The following ADAMTSL1 variants were observed in gnomAD, a reference collection of about 807,000 sequenced individuals.
ADAMTSL1 encodes the protein ADAMTS like 1, also known as ADAMTS-like protein 1.
A neutral mutation model predicts 201.8 loss-of-function variants in ADAMTSL1; 126 were observed. The ratio of observed to expected loss-of-function variants is 0.62; its 90% CI spans 0.54 to 0.72. ADAMTSL1 has a LOEUF of 0.72. ADAMTSL1 is among the 30% of genes least tolerant of loss of function. ADAMTSL1 has a pLI of 0.00. For synonymous variants in ADAMTSL1, 1,121 were observed against 903.4 expected, an observed-to-expected ratio of 1.24 and a Z score of -4.32; for missense variants, 2,679 against 2,277.8, an observed-to-expected ratio of 1.18 and a Z score of -3.59.
chr9:18,280,190 C>G (rs1008940915), intron 2 of ADAMTSL1, among the ~76,000 whole-genome samples: 2 of 151,624 alleles, frequency 1.3e-5, no homozygotes, highest in African/African-American at 4.9e-5. Context: ...GGAGCCTGGT[C>G]TCCACTGGTG....
chr9:18,043,374 T>G (rs572456748), intron 1 of ADAMTSL1, among the ~76,000 whole-genome samples: 1 of 152,254 alleles, frequency 6.6e-6, no homozygotes, highest in South Asian at 2.1e-4. Flanking sequence ...TTTGGGGGGA[T>G]GTGTATACAT....
chr9:18,319,701 G>T (rs899081737), intron 2 of ADAMTSL1, among the ~76,000 whole-genome samples: 5 of 152,180 alleles, frequency 3.3e-5, no homozygotes, highest in African/African-American at 1.2e-4. Flanking sequence ...TCACATGGAA[G>T]AACAACTATT....
rs1449375653 is a variant in ADAMTSL1, at chr9:18,886,466, G to A, written c.4250-1365G>A. 2.6e-5 allele frequency among the ~76,000 whole-genome samples: 4 copies of A among 152,088 alleles called. No individual in the cohort carries two copies. In the East Asian group the frequency reaches 7.7e-4, roughly 29 times the overall value. On this transcript the variant is annotated intron_variant, in intron 23 of 28. Coordinates refer to ENST00000380548, the MANE Select transcript of ADAMTSL1 (RefSeq NM_001040272.6). ...ACACATCCACAGAGGGTAGCCGCCT[G>A]TCTTAGTCCAGTCAGGCTGATATAA...
At chr9:18,453,284 G>T (rs1587259853) in intron 2 of ADAMTSL1, among the ~76,000 whole-genome samples, 1 of 152,136 alleles carries the variant, frequency 6.6e-6, no homozygotes, top group Non-Finnish European at 1.5e-5. Flanking sequence ...AGCCTGTGGA[G>T]GGTGCCTTGG....
intron 1 of ADAMTSL1, among the ~76,000 whole-genome samples, chr9:18,083,840 C>A (rs759811436): frequency 1.3e-5 from 2 of 152,150 alleles, no homozygotes; most frequent in Admixed American, 1.3e-4. Context: ...TAGCTCTAAA[C>A]ATTATTTACT....
intron 2 of ADAMTSL1, among the ~76,000 whole-genome samples, chr9:18,166,018 A>G (rs538501091): frequency 6.6e-6 from 1 of 151,932 alleles, no homozygotes; most frequent in South Asian, 2.1e-4. Context: ...TCAACAAGAA[A>G]CCTTCCTGGT....
In ADAMTSL1 at chr9:18,416,885, T is replaced by C. The variant is rs186217485; in HGVS notation, c.208-87944T>C. On this transcript the variant is annotated intron_variant, in intron 2 of 29. Coordinates refer to the ADAMTSL1 transcript ENST00000680146. ...GAACAAATAGAAAATCATCAAGGTA[T>C]AGAAGACTTGAACAACACAATCAGC... Among the ~76,000 whole-genome samples the C allele has an allele frequency of 2.0e-5, 3 of 152,154 alleles. No individual in the cohort carries two copies. The East Asian group carries it at 5.8e-4, about 29-fold the overall frequency.
chr9:18,145,759 A>C (rs1404129965), intron 1 of ADAMTSL1, among the ~76,000 whole-genome samples: 1 of 152,208 alleles, frequency 6.6e-6, no homozygotes, highest in Non-Finnish European at 1.5e-5. Context: ...GCTAAACATT[A>C]TCTAATTAAA....
chr9:18,145,069 A>G (rs576486158), intron 1 of ADAMTSL1, among the ~76,000 whole-genome samples: 3 of 152,342 alleles, frequency 2.0e-5, no homozygotes, highest in Non-Finnish European at 4.4e-5. Flanking sequence ...AGGGTCTACA[A>G]CAATGATATC....
rs543049147 is a variant in ADAMTSL1, at chr9:18,614,463, G to C, written c.475-7780G>C. Among the ~76,000 whole-genome samples, 17 of 152,258 alleles carry C rather than the reference G, an allele frequency of 1.1e-4. No homozygotes were observed. In the South Asian group the frequency reaches 3.1e-3, roughly 28 times the overall value. On this transcript the variant is annotated intron_variant, in intron 4 of 28. Coordinates refer to ENST00000380548, the MANE Select transcript of ADAMTSL1 (RefSeq NM_001040272.6). ...GTTTCAGGTTTATTTTTGTGAAATA[G>C]ACACAATTGTAGCTAATTTTCAAGG...
intron 13 of ADAMTSL1, among the ~76,000 whole-genome samples, chr9:18,704,845 A>C (rs1832137833): frequency 6.6e-6 from 1 of 152,158 alleles, no homozygotes; most frequent in East Asian, 1.9e-4. Context: ...AATTGTGATG[A>C]GATTTTCTTG....
At chr9:18,287,409 A>T (rs535689102) in intron 2 of ADAMTSL1, among the ~76,000 whole-genome samples, 42 of 151,874 alleles carry the variant, frequency 2.8e-4, no homozygotes, top group African/African-American at 1.0e-3. Flanking sequence ...ACATACACAT[A>T]TATTTATATA....
intron 2 of ADAMTSL1, among the ~76,000 whole-genome samples, chr9:18,425,162 C>T (rs1819150344): frequency 6.6e-6 from 1 of 152,084 alleles, no homozygotes; most frequent in African/African-American, 2.4e-5. Context: ...CCACTCCACT[C>T]TCTCTCCCTC....
intron 2 of ADAMTSL1, among the ~76,000 whole-genome samples, chr9:18,340,952 C>G (rs1192224216): frequency 2.0e-5 from 3 of 152,066 alleles, no homozygotes; most frequent in Non-Finnish European, 2.9e-5. Context: ...TTTTCTTCAT[C>G]CCCACTGTCA....
chr9:18,790,716 C>T (rs1821980986), intron 19 of ADAMTSL1, among the ~76,000 whole-genome samples: 1 of 152,064 alleles, frequency 6.6e-6, no homozygotes, highest in Non-Finnish European at 1.5e-5. Context: ...GGCATATTGT[C>T]ACATAGAAGC....
At chr9:18,889,843 AG>A (rs1306262389) in intron 25 of ADAMTSL1, 95 bp downstream of exon 25, 1,111 of 1,239,860 alleles carry the variant, frequency 9.0e-4, no homozygotes, top group Non-Finnish European at 1.0e-3. Context: ...AGCACTGTGC[AG>A]GGAGAGATGC....
At chr9:18,558,600 G>A (rs372827449) in intron 3 of ADAMTSL1, among the ~76,000 whole-genome samples, 2 of 152,154 alleles carry the variant, frequency 1.3e-5, no homozygotes, top group African/African-American at 2.4e-5. Flanking sequence ...TTTCCACAAT[G>A]GTTAAACTAA....
Position 18,242,426 on chromosome 9 carries a change from A to G in ADAMTSL1, c.207+78445A>G, listed in dbSNP as rs547851786. Among the ~76,000 whole-genome samples, 17 of 152,276 alleles carry G rather than the reference A, an allele frequency of 1.1e-4. No homozygotes were observed. The South Asian group carries it at 3.5e-3, about 32-fold the overall frequency. On this transcript the variant is annotated intron_variant, in intron 2 of 29. Coordinates refer to the ADAMTSL1 transcript ENST00000680146. ...ATTAGAATCAATGGGGAAAAACTGAAAGCTTTTTCATTAAGATCCAGTATG... is the reference window on the plus strand; with the variant it reads ...ATTAGAATCAATGGGGAAAAACTGAGAGCTTTTTCATTAAGATCCAGTATG...
At chr9:18,222,209 G>A (rs934869251) in intron 2 of ADAMTSL1, among the ~76,000 whole-genome samples, 1 of 151,422 alleles carries the variant, frequency 6.6e-6, no homozygotes, top group Non-Finnish European at 1.5e-5. Context: ...AGCTAATTTT[G>A]TTTTTGCTTT....
Sources: allele counts gnomAD v4.1 joint callset (sites outside exome capture counted in the v4.1 genomes callset), GRCh38; gene constraint gnomAD v4.1.1; transcripts MANE v1.5; gene names NCBI Gene and HGNC (gene_info 2026-07-23, HGNC 2026-07-21).